Variants in DDA1 observed in about 807,000 individuals in gnomAD.
DDA1 encodes DET1- and DDB1-associated protein 1.
Under a neutral mutation model 18.6 loss-of-function variants are expected in DDA1, and 3 were observed. The observed-to-expected ratio is 0.16, with a 90% CI of 0.07 to 0.42. DDA1 has a LOEUF of 0.42. Ranked by LOEUF, DDA1 falls within the 10% of genes least tolerant of loss-of-function variation. The pLI is 0.99. For missense variants in DDA1, 105 were observed against 138.2 expected (o/e 0.76, Z 1.20); for synonymous variants, 52 against 54.0 (o/e 0.96, Z 0.17).
At chr19:17,316,490 G>A (rs566941931) in intron 4 of DDA1, among the ~76,000 whole-genome samples, 1 of 152,062 alleles carries the variant, frequency 6.6e-6, no homozygotes, top group African/African-American at 2.4e-5. Flanking sequence ...TGAGGCAGGA[G>A]AATCGCTTGA....
intron 1 of DDA1, among the ~76,000 whole-genome samples, chr19:17,311,303 CCCA>C (rs2074177851): frequency 6.6e-6 from 1 of 152,022 alleles, no homozygotes; most frequent in East Asian, 1.9e-4. Flanking sequence ...GTAGGTGGGA[CCCA>C]CCACCATGCC....
rs2074231347 is a variant in DDA1, at chr19:17,319,796, T to C, written c.*140T>C. 1.6e-6 allele frequency: 1 copy of C among 629,756 alleles called. No homozygotes were observed. Among genetic ancestry groups the C allele is most frequent in the Non-Finnish European group, 2.8e-6 (1 of 362,212 alleles). 39.0% of individuals were successfully genotyped at this position (629,756 alleles called of 1,614,324 possible). Reference sequence around the variant, plus strand: ...TGCGTCCACACCACTTCCAACCTCATAGGAGCCGATGTATTTATTTTCCTT... The same window carrying C: ...TGCGTCCACACCACTTCCAACCTCACAGGAGCCGATGTATTTATTTTCCTT... On this transcript the variant is annotated 3_prime_UTR_variant, in exon 5 of 5. Coordinates refer to ENST00000359866, the MANE Select transcript of DDA1 (RefSeq NM_024050.6).
chr19:17,319,150 C>T (rs1239820060), intron 4 of DDA1, among the ~76,000 whole-genome samples: 3 of 152,226 alleles, frequency 2.0e-5, no homozygotes, highest in South Asian at 4.1e-4. Context: ...GGGGTGACTC[C>T]GGGTGCCAGG....
chr19:17,318,974 C>T (rs928501298), intron 4 of DDA1, among the ~76,000 whole-genome samples: 6 of 152,082 alleles, frequency 3.9e-5, no homozygotes, highest in African/African-American at 1.2e-4. Context: ...CCTTCTCCTG[C>T]CCCCCAGGAC....
intron 3 of DDA1, 181 bp from the exon 4 acceptor site, chr19:17,315,753 A>G: frequency 1.5e-6 from 1 of 672,510 alleles, no homozygotes; most frequent in Non-Finnish European, 2.6e-6. Flanking sequence ...CCCTGAAAGC[A>G]GCTGGCTCAG....
At chr19:17,315,741 G>C (rs2074209962) in intron 3 of DDA1, 193 bp from the exon 4 acceptor site, 2 of 661,674 alleles carry the variant, frequency 3.0e-6, no homozygotes, top group African/African-American at 3.6e-5. Context: ...AGGGAGCCGG[G>C]ACCCTGAAAG....
intron 4 of DDA1, among the ~76,000 whole-genome samples, chr19:17,317,285 A>C (rs113358959): frequency 1.3e-5 from 2 of 152,084 alleles, no homozygotes; most frequent in Non-Finnish European, 2.9e-5. Flanking sequence ...CGAGTCAGGC[A>C]GACCATGAGG....
rs1246536519 is a variant in DDA1 at position 17,315,225 on chromosome 19, GTATACACACACACGTGTA to G, written c.137-697_137-680del. 2.7e-4 allele frequency among the ~76,000 whole-genome samples: 4 copies of G among 14,738 alleles called. 2 individuals carry two copies. The highest frequency in any genetic ancestry group is 4.2e-3 in the South Asian group (2 of 480). 9.7% of individuals were successfully genotyped at this position (14,738 alleles called of 152,430 possible). A position where few individuals can be genotyped will look rare whatever the true frequency, so the allele number is the denominator to read the frequency against. ...TACACACGTGTATATACACACACGTGTATACACACACACGTGTATATACACACACGTGTATATACACAC... is the reference window on the plus strand; with the variant it reads ...TACACACGTGTATATACACACACGTGTATACACACACGTGTATATACACAC... On this transcript the variant is annotated intron_variant, in intron 3 of 4. Coordinates refer to ENST00000359866, the MANE Select transcript of DDA1 (RefSeq NM_024050.6).
At chr19:17,310,632 A>G (rs2074174695) in intron 1 of DDA1, among the ~76,000 whole-genome samples, 1 of 152,188 alleles carries the variant, frequency 6.6e-6, no homozygotes, top group Non-Finnish European at 1.5e-5. Context: ...CCAGCCCACA[A>G]TCCACAGTCC....
rs187475491 is a variant in DDA1, at chr19:17,313,694, C to T, written c.4-329C>T. Among the ~76,000 whole-genome samples the T allele has an allele frequency of 7.2e-5, 11 of 152,252 alleles. No homozygotes were observed. In the East Asian group the frequency reaches 1.4e-3, roughly 19 times the overall value. On this transcript the variant is annotated intron_variant, in intron 1 of 4. Transcript: ENST00000359866. Reference sequence around the variant, plus strand: ...CTGACCGCAGATGATGCGCCCGCCTCGGCCTCCCAAAGTGCTGGGATTCAG... The same window carrying T: ...CTGACCGCAGATGATGCGCCCGCCTTGGCCTCCCAAAGTGCTGGGATTCAG...
chr19:17,318,363 C>G (rs986642134), intron 4 of DDA1, among the ~76,000 whole-genome samples: 9 of 152,100 alleles, frequency 5.9e-5, no homozygotes, highest in Non-Finnish European at 8.8e-5. Flanking sequence ...TCCCGAGTAG[C>G]TGGGATTACA....
intron 4 of DDA1, among the ~76,000 whole-genome samples, chr19:17,316,444 G>A (rs180974660): frequency 1.6e-3 from 237 of 152,148 alleles, no homozygotes; most frequent in Non-Finnish European, 2.3e-3. Flanking sequence ...GCTGGGCGTG[G>A]TGGCACGTGA....
chr19:17,316,514 A>AG (rs1276292117), intron 4 of DDA1, among the ~76,000 whole-genome samples: 1 of 151,712 alleles, frequency 6.6e-6, no homozygotes, highest in Non-Finnish European at 1.5e-5. Context: ...AGGGAGGCGG[A>AG]GGTTGCAGTG....
rs2074231445 is a variant in DDA1, at chr19:17,319,843, C to T, written c.*187C>T. 1.7e-5 allele frequency: 10 copies of T among 580,468 alleles called. No individual in the cohort carries two copies. The Admixed American group carries it at 2.5e-4, about 14-fold the overall frequency. 36.0% of individuals were successfully genotyped at this position (580,468 alleles called of 1,614,324 possible). A position where few individuals can be genotyped will look rare whatever the true frequency, so the allele number is the denominator to read the frequency against. On this transcript the variant is annotated 3_prime_UTR_variant, in exon 5 of 5. Coordinates refer to ENST00000359866, the MANE Select transcript of DDA1 (RefSeq NM_024050.6). ...CCTTGAGTTTTTATTTATGCTGTAACCTGTATCAAGCGTTGGTTAAAGGGG... is the reference window on the plus strand; with the variant it reads ...CCTTGAGTTTTTATTTATGCTGTAATCTGTATCAAGCGTTGGTTAAAGGGG...
intron 3 of DDA1, among the ~76,000 whole-genome samples, chr19:17,315,313 TAC>T (rs2074204860): frequency 3.0e-5 from 1 of 33,184 alleles, no homozygotes; most frequent in African/African-American, 2.5e-4. Context: ...TGTATATATA[TAC>T]ACGCTATATA....
rs2074195536 is a variant in DDA1 at position 17,314,961 on chromosome 19, G to A, written c.136+572G>A. Among the ~76,000 whole-genome samples the A allele has an allele frequency of 6.6e-6, 1 of 151,868 alleles. No individual in the cohort carries two copies. The highest frequency in any genetic ancestry group is 2.1e-4 in the South Asian group (1 of 4,822). Reference sequence around the variant, plus strand: ...ACTGTTCAAAAAGACTCCACACCAGGTGGGGTAGCTCCCGCCTGTAATCCC... The same window carrying A: ...ACTGTTCAAAAAGACTCCACACCAGATGGGGTAGCTCCCGCCTGTAATCCC... On this transcript the variant is annotated intron_variant, in intron 3 of 4. Transcript: ENST00000359866. This position sits in a 1 kb window ranked among gnomAD's most constrained non-coding sequence, Gnocchi z 4.6.
Position 17,319,895 on chromosome 19 carries a change from G to A in DDA1, c.*239G>A, listed in dbSNP as rs1399695799. 1 of 453,024 alleles carries A rather than the reference G, an allele frequency of 2.2e-6. No individual in the cohort carries two copies. The highest frequency in any genetic ancestry group is 2.0e-5 in the African/African-American group (1 of 49,460). 28.1% of individuals were successfully genotyped at this position (453,024 alleles called of 1,614,324 possible). On this transcript the variant is annotated 3_prime_UTR_variant, in exon 5 of 5. Transcript: ENST00000359866. ...CATCAGACCCAGTAGTGTGATGTTGGTAGATGCTTTTTAAAAAAAACAACA... is the reference window on the plus strand; with the variant it reads ...CATCAGACCCAGTAGTGTGATGTTGATAGATGCTTTTTAAAAAAAACAACA...
intron 4 of DDA1, among the ~76,000 whole-genome samples, chr19:17,316,443 G>T (rs2074213310): frequency 6.6e-6 from 1 of 152,000 alleles, no homozygotes; most frequent in Admixed American, 6.6e-5. Flanking sequence ...AGCTGGGCGT[G>T]GTGGCACGTG....
In DDA1 at chr19:17,315,335, G is replaced by GTA. The variant is rs753902556; in HGVS notation, c.137-590_137-589dup. ...ATATACACGCTATATATATACACACGTATATATATACACGCTATATATATA... is the reference window on the plus strand; with the variant it reads ...ATATACACGCTATATATATACACACGTATATATATATACACGCTATATATATA... On this transcript the variant is annotated intron_variant, in intron 3 of 4. Coordinates refer to ENST00000359866, the MANE Select transcript of DDA1 (RefSeq NM_024050.6). 6.2e-4 allele frequency among the ~76,000 whole-genome samples: 25 copies of GTA among 40,364 alleles called. 7 individuals are homozygous for GTA. Among genetic ancestry groups the GTA allele is most frequent in the Non-Finnish European group, 9.3e-4 (16 of 17,228 alleles). The allele number at this position is 40,364 out of a possible 152,430, so 26.5% of individuals were successfully genotyped here.
Sources: gnomAD v4.1 joint callset for allele counts (sites outside exome capture counted in the v4.1 genomes callset) on GRCh38, gnomAD v4.1.1 for gene constraint, Gnocchi (gnomAD v3.1) non-coding constraint, MANE v1.5 for transcripts, NCBI Gene and HGNC (gene_info 2026-07-23, HGNC 2026-07-21) for gene names.